FAM241A: variants seen among roughly 807,000 people sequenced by gnomAD.
FAM241A encodes the protein family with sequence similarity 241 member A.
A neutral mutation model predicts 12.2 loss-of-function variants in FAM241A; 7 were observed. The ratio of observed to expected loss-of-function variants is 0.58; its 90% confidence interval spans 0.33 to 1.08. FAM241A has a LOEUF of 1.08. Among genes scored for constraint, FAM241A ranks in the 50% least tolerant of loss-of-function variants. FAM241A has a pLI of 0.04. For synonymous variants in FAM241A, 74 were observed against 68.2 expected (o/e 1.08, Z -0.42); for missense variants, 161 against 169.7 (o/e 0.95, Z 0.29).
At chr4:112,168,112 A>G (rs1723636236) in intron 1 of FAM241A, among the ~76,000 whole-genome samples, 1 of 152,256 alleles carries the variant, frequency 6.6e-6, no homozygotes, top group Admixed American at 6.5e-5. Context: ...GAAAACTTCT[A>G]GTAATTTTCA....
chr4:112,162,115 C>T (rs183276160), intron 1 of FAM241A, among the ~76,000 whole-genome samples: 2 of 152,322 alleles, frequency 1.3e-5, no homozygotes, highest in Admixed American at 6.5e-5. Flanking sequence ...AACAACCCTT[C>T]ATGCTAAAAA....
chr4:112,152,678 T>C (rs1723268020), intron 1 of FAM241A, among the ~76,000 whole-genome samples: 1 of 152,130 alleles, frequency 6.6e-6, no homozygotes, highest in Non-Finnish European at 1.5e-5. Context: ...TCAACCACTT[T>C]CTCTTCTTCT....
intron 1 of FAM241A, among the ~76,000 whole-genome samples, chr4:112,153,213 C>A (rs1300743137): frequency 1.3e-5 from 2 of 151,446 alleles, no homozygotes; most frequent in Non-Finnish European, 3.0e-5. Flanking sequence ...TAGTTGGTTT[C>A]TTTTCCCCCT....
Position 112,191,044 on chromosome 4 carries a change from T to TC in FAM241A, c.*4109dup, listed in dbSNP as rs2110439005. 1 of 152,332 alleles carries TC rather than the reference T, an allele frequency of 6.6e-6. No individual in the cohort carries two copies. Among genetic ancestry groups the TC allele is most frequent in the African/African-American group, 2.4e-5 (1 of 41,560 alleles). The allele number at this position is 152,332 out of a possible 1,614,324, so 9.4% of individuals were successfully genotyped here. A position where few individuals can be genotyped will look rare whatever the true frequency, so the allele number is the denominator to read the frequency against. On this transcript the variant is annotated 3_prime_UTR_variant, in exon 2 of 2. Coordinates refer to ENST00000309733, the MANE Select transcript of FAM241A (RefSeq NM_152400.3). Reference sequence around the variant, plus strand: ...CCCAATATTTATTTGCATTTGGTTATCCCATAGTACCCAAGACTCAGCGTG... The same window carrying TC: ...CCCAATATTTATTTGCATTTGGTTATCCCCATAGTACCCAAGACTCAGCGTG...
rs1338421468 is a variant in FAM241A at position 112,193,425 on chromosome 4, G to A, written c.*6487G>A. ...TTTTAGACATGAAGTCCTTGCCCATGCCTATGTCCTGAATGGTAATGCCTA... is the reference window on the plus strand; with the variant it reads ...TTTTAGACATGAAGTCCTTGCCCATACCTATGTCCTGAATGGTAATGCCTA... On this transcript the variant is annotated 3_prime_UTR_variant, in exon 2 of 2. Transcript: ENST00000309733. 5 of 152,236 alleles carry A rather than the reference G, an allele frequency of 3.3e-5. No individual in the cohort carries two copies. In the South Asian group the frequency reaches 1.0e-3, roughly 32 times the overall value. The allele number at this position is 152,236 out of a possible 1,614,324, so 9.4% of individuals were successfully genotyped here.
chr4:112,156,311 TCCTC>T (rs998596214), intron 1 of FAM241A, among the ~76,000 whole-genome samples: 3 of 152,182 alleles, frequency 2.0e-5, no homozygotes, highest in Admixed American at 6.5e-5. Context: ...ATCTATTACT[TCCTC>T]AGAAAGTTCA....
chr4:112,186,922 T>G lies in FAM241A; in HGVS notation c.383T>G (p.Ile128Ser). 6.2e-7 allele frequency: 1 copy of G among 1,613,668 alleles called. No homozygotes were observed. Among genetic ancestry groups the G allele is most frequent in the Non-Finnish European group, 8.5e-7 (1 of 1,179,726 alleles). The part of the protein sequence containing the change: ...GLVAVLCLVI[I>S]YVQQ ...GTTGCTGTTCTTTGCCTTGTTATTA[T>G]TTATGTGCAACAGTAAAACATGGCC... Residue 128 changes from isoleucine to serine, a missense_variant, in exon 2 of 2, where the codon ATT becomes AGT. Transcript: ENST00000309733.
intron 1 of FAM241A, among the ~76,000 whole-genome samples, chr4:112,158,464 A>C (rs753419418): frequency 6.6e-6 from 1 of 152,102 alleles, no homozygotes; most frequent in Non-Finnish European, 1.5e-5. Context: ...ATGAGCTCCT[A>C]CTATTTTTCC....
chr4:112,162,227 G>T (rs1723488848), intron 1 of FAM241A, among the ~76,000 whole-genome samples: 1 of 152,158 alleles, frequency 6.6e-6, no homozygotes, highest in Non-Finnish European at 1.5e-5. Context: ...AAAACTGGAA[G>T]CATTCCCTTT....
chr4:112,192,371 G>GT lies in FAM241A; in HGVS notation c.*5437dup, dbSNP rs1724183781. ...TTATTTTATTGTTATTATACTTTAAGTTTTAGGGTACATGTGTACAATGTG... is the reference window on the plus strand; with the variant it reads ...TTATTTTATTGTTATTATACTTTAAGTTTTTAGGGTACATGTGTACAATGTG... On this transcript the variant is annotated 3_prime_UTR_variant, in exon 2 of 2. Coordinates refer to ENST00000309733, the MANE Select transcript of FAM241A (RefSeq NM_152400.3). The GT allele has an allele frequency of 6.6e-6, 1 of 151,360 alleles. No homozygotes were observed. Among genetic ancestry groups the GT allele is most frequent in the Admixed American group, 6.6e-5 (1 of 15,178 alleles). The allele number at this position is 151,360 out of a possible 1,614,324, so 9.4% of individuals were successfully genotyped here.
intron 1 of FAM241A, among the ~76,000 whole-genome samples, chr4:112,163,503 T>C (rs983356652): frequency 7.9e-5 from 12 of 152,080 alleles, no homozygotes; most frequent in African/African-American, 1.2e-4. Context: ...GGGCAAAGGA[T>C]ATGAACAGAC....
intron 1 of FAM241A, among the ~76,000 whole-genome samples, chr4:112,179,136 T>A (rs1372915431): frequency 6.6e-6 from 1 of 152,192 alleles, no homozygotes; most frequent in Non-Finnish European, 1.5e-5. Flanking sequence ...TTTAATTAGA[T>A]CCCCTTTGTC....
intron 1 of FAM241A, among the ~76,000 whole-genome samples, chr4:112,160,289 T>C (rs1464270494): frequency 6.6e-6 from 1 of 150,930 alleles, no homozygotes; most frequent in Non-Finnish European, 1.5e-5. Flanking sequence ...GTGCCTGTAA[T>C]CCCAGCTACT....
intron 1 of FAM241A, among the ~76,000 whole-genome samples, chr4:112,159,853 C>T (rs1201664821): frequency 1.3e-5 from 2 of 152,166 alleles, no homozygotes; most frequent in African/African-American, 4.8e-5. Context: ...AGTCTTTCCT[C>T]TAAGATCTAG....
In FAM241A at chr4:112,183,646, C is replaced by A. The variant is rs761689597; in HGVS notation, c.154-3047C>A. Among the ~76,000 whole-genome samples, 45 of 148,642 alleles carry A rather than the reference C, an allele frequency of 3.0e-4. 1 individual carries two copies. The highest frequency in any genetic ancestry group is 3.4e-3 in the Middle Eastern group (1 of 292). On this transcript the variant is annotated intron_variant, in intron 1 of 1. Coordinates refer to ENST00000309733, the MANE Select transcript of FAM241A (RefSeq NM_152400.3). The stretch of plus-strand genomic sequence containing the variant: ...AAAGCTTCAGTAACAACAAAAAAAA[C>A]CCCAAAGTACAATGAGTGCATAGAT...
chr4:112,185,182 A>G (rs1204091382), intron 1 of FAM241A, among the ~76,000 whole-genome samples: 3 of 152,022 alleles, frequency 2.0e-5, no homozygotes, highest in African/African-American at 7.2e-5. Context: ...ATATATTTAA[A>G]TAAATTATAA....
intron 1 of FAM241A, among the ~76,000 whole-genome samples, chr4:112,179,593 G>A (rs1723887852): frequency 6.6e-6 from 1 of 151,876 alleles, no homozygotes; most frequent in Non-Finnish European, 1.5e-5. Context: ...AGCATGAGGA[G>A]ATATATCTAA....
rs1268775045 is a variant in FAM241A, at chr4:112,186,896, A to C, written c.357A>C (p.Leu119=). Residue 119 remains leucine (L), a synonymous_variant, in exon 2 of 2, where the codon CTA becomes CTC. Transcript: ENST00000309733. ...LWFLGLQALG[L]VAVLCLVIIY... The stretch of plus-strand genomic sequence containing the variant: ...TCCTTGGCCTGCAAGCCCTTGGACT[A>C]GTTGCTGTTCTTTGCCTTGTTATTA... 6.2e-7 allele frequency: 1 copy of C among 1,613,988 alleles called. No homozygotes were observed. Among genetic ancestry groups the C allele is most frequent in the Non-Finnish European group, 8.5e-7 (1 of 1,179,924 alleles).
intron 1 of FAM241A, among the ~76,000 whole-genome samples, chr4:112,167,122 A>AT (rs200471597): frequency 0.03 from 4,488 of 150,946 alleles, 186 homozygotes; most frequent in East Asian, 0.16. Context: ...TCAAAAAAAA[A>AT]AAAAATAAAA....
Sources: allele counts gnomAD v4.1 joint callset (sites outside exome capture counted in the v4.1 genomes callset), GRCh38; gene constraint gnomAD v4.1.1; transcripts MANE v1.5; gene names NCBI Gene and HGNC (gene_info 2026-07-23, HGNC 2026-07-21).